Variants in GCSAML observed in about 807,000 individuals in gnomAD.
GCSAML encodes germinal center associated signaling and motility like.
A neutral mutation model predicts 13.0 loss-of-function variants in GCSAML; 9 were observed. The observed-to-expected ratio is 0.69, with a 90% CI of 0.42 to 1.21. GCSAML has a LOEUF of 1.21. Ranked by LOEUF, GCSAML falls within the 50% of genes most tolerant of loss-of-function variation. The pLI, the probability that GCSAML is intolerant of heterozygous loss-of-function variation, is 0.00. For missense variants in GCSAML, 143 were observed against 153.4 expected (o/e 0.93, Z 0.36); for synonymous variants, 37 against 52.9 (o/e 0.70, Z 1.31).
Position 247,526,802 on chromosome 1 carries a change from G to T in GCSAML, c.-262-138G>T, listed in dbSNP as rs992703740. On this transcript the variant is annotated intron_variant, in intron 1 of 5. Transcript: ENST00000366489. The surrounding 1 kb of genome is among the most constrained non-coding windows in gnomAD (Gnocchi z 4.8). ...CTAGAAAATTCTGACATATTCGGCT[G>T]AAAAGGGACCTGGCATCGAAAGACA... 5.3e-5 allele frequency: 19 copies of T among 361,180 alleles called. No homozygotes were observed. Among genetic ancestry groups the T allele is most frequent in the Non-Finnish European group, 1.0e-4 (19 of 185,262 alleles). The allele number at this position is 361,180 out of a possible 1,614,324, so 22.4% of individuals were successfully genotyped here.
Position 247,549,151 on chromosome 1 carries a change from A to G in GCSAML, c.-41A>G. ...CTTTGGTCAGAACTTCCCCAAGTGGAGTGAAACTCAGGAGCTGAGAAACCG... is the reference window on the plus strand; with the variant it reads ...CTTTGGTCAGAACTTCCCCAAGTGGGGTGAAACTCAGGAGCTGAGAAACCG... On this transcript the variant is annotated 5_prime_UTR_variant, in exon 1 of 5. Transcript: ENST00000366488. 6.2e-7 allele frequency: 1 copy of G among 1,614,072 alleles called. No homozygotes were observed. The highest frequency in any genetic ancestry group is 1.1e-5 in the South Asian group (1 of 91,078).
chr1:247,509,334 T>A (rs1665931557), intron 1 of GCSAML, among the ~76,000 whole-genome samples: 1 of 152,208 alleles, frequency 6.6e-6, no homozygotes, highest in African/African-American at 2.4e-5. Context: ...TAGAAATGCT[T>A]GTGAGTTTTG....
At chr1:247,556,665 C>G (rs779607535) in intron 2 of GCSAML, among the ~76,000 whole-genome samples, 199 bp downstream of exon 2, 1 of 152,014 alleles carries the variant, frequency 6.6e-6, no homozygotes, top group Non-Finnish European at 1.5e-5. Context: ...GTATTAGCCA[C>G]GTGTTTTGTT....
In GCSAML at chr1:247,574,341, T is replaced by C. The variant is rs774624656; in HGVS notation, c.367T>C (p.Cys123Arg). 13 of 1,613,992 alleles carry C rather than the reference T, an allele frequency of 8.1e-6. No individual in the cohort carries two copies. Among genetic ancestry groups the C allele is most frequent in the Non-Finnish European group, 1.1e-5 (13 of 1,180,004 alleles). Reference protein sequence around the residue: ...LRTSVSRPCSCTHEHDYEVVF... With the variant: ...LRTSVSRPCSRTHEHDYEVVF... ...GACTTCTGTTAGTAGGCCTTGTTCCTGCACCCATGAGCATGATTATGAAGT... is the reference window on the plus strand; with the variant it reads ...GACTTCTGTTAGTAGGCCTTGTTCCCGCACCCATGAGCATGATTATGAAGT... The change falls in exon 5 of 5, where the codon TGC becomes CGC. Residue 123 changes from cysteine (C) to arginine (R), a missense_variant. Coordinates refer to ENST00000366488, the MANE Select transcript of GCSAML (RefSeq NM_145278.5).
intron 1 of GCSAML, among the ~76,000 whole-genome samples, chr1:247,523,997 T>TACACACACAC (rs34257635): frequency 0.081 from 12,026 of 147,724 alleles, 826 homozygotes; most frequent in East Asian, 0.31. Flanking sequence ...ACATCTGTCT[T>TACACACACAC]ACACACACAC....
At chr1:247,532,494 A>G (rs1165450803) in intron 2 of GCSAML, 1 of 1,613,894 alleles carries the variant, frequency 6.2e-7, no homozygotes, top group South Asian at 1.1e-5. Context: ...GAGAACTCAC[A>G]TTGGCTATTT....
intron 2 of GCSAML, among the ~76,000 whole-genome samples, chr1:247,541,772 A>G (rs10436935): frequency 0.8 from 122,161 of 151,968 alleles, 49,861 homozygotes; most frequent in African/African-American, 0.93. Context: ...CACTTTGGGA[A>G]GCTGAGGTGG....
At chr1:247,541,927 T>C (rs1381237072) in intron 2 of GCSAML, among the ~76,000 whole-genome samples, 2 of 151,574 alleles carry the variant, frequency 1.3e-5, no homozygotes, top group African/African-American at 4.9e-5. Flanking sequence ...GGAGAATCGC[T>C]TGAACCCAGG....
chr1:247,549,220 G>A lies in GCSAML; in HGVS notation c.29G>A (p.Ser10Asn), dbSNP rs1373005614. The change falls in exon 1 of 5, where the codon AGT (serine) becomes AAT (asparagine). Residue 10 changes from serine to asparagine, a missense_variant and splice_region_variant. Ser to Asn is a conservative substitution (Grantham distance 46, BLOSUM62 1). Coordinates refer to ENST00000366488, the MANE Select transcript of GCSAML (RefSeq NM_145278.5). MGNYLLRKL[S>N]CLGENQKKPK... ...GGAAATTATCTCCTGCGAAAACTCA[G>A]GTGAGTCTTGACTCTTGGTGCCGCC... 1.9e-6 allele frequency: 3 copies of A among 1,613,754 alleles called. No individual in the cohort carries two copies. The Admixed American group carries it at 5.0e-5, about 27-fold the overall frequency.
chr1:247,513,513 G>A (rs1363493138), intron 1 of GCSAML, among the ~76,000 whole-genome samples: 9 of 152,312 alleles, frequency 5.9e-5, no homozygotes, highest in East Asian at 3.9e-4. Context: ...CCAGGGCAGC[G>A]GATAGTTCTG....
intron 1 of GCSAML, among the ~76,000 whole-genome samples, chr1:247,510,632 C>A (rs990564984): frequency 7.9e-5 from 12 of 152,158 alleles, no homozygotes; most frequent in African/African-American, 1.9e-4. Context: ...CTCCTGTGGG[C>A]ATTTAGTGCT....
chr1:247,544,869 A>AAAACAAAAACAAAACC (rs1667517085), upstream of GCSAML, among the ~76,000 whole-genome samples: 1 of 152,180 alleles, frequency 6.6e-6, no homozygotes, highest in Non-Finnish European at 1.5e-5. Flanking sequence ...AAAACAAAAC[A>AAAACAAAAACAAAACC]AAACAAAAAC....
intron 2 of GCSAML, 83 bp from the exon 3 acceptor site, chr1:247,563,507 G>T: frequency 1.3e-6 from 1 of 747,854 alleles, no homozygotes. Flanking sequence ...CTTAGGTTAA[G>T]GGCAACCAAA....
chr1:247,550,419 C>T (rs1472919576), intron 1 of GCSAML, among the ~76,000 whole-genome samples: 4 of 152,052 alleles, frequency 2.6e-5, no homozygotes, highest in African/African-American at 7.2e-5. Context: ...GGGTGGATCA[C>T]GAGGTCAGGA....
intron 2 of GCSAML, among the ~76,000 whole-genome samples, chr1:247,557,432 C>T (rs1227225676): frequency 6.6e-6 from 1 of 152,190 alleles, no homozygotes; most frequent in Non-Finnish European, 1.5e-5. Flanking sequence ...TGAACAGAAA[C>T]ACCCTGCCTT....
intron 4 of GCSAML, among the ~76,000 whole-genome samples, chr1:247,571,984 C>T (rs892830178): frequency 5.9e-5 from 9 of 152,020 alleles, no homozygotes; most frequent in African/African-American, 1.7e-4. Flanking sequence ...TTCTTCTGCC[C>T]GATCAATTTG....
At chr1:247,509,561 G>C (rs569461012) in intron 1 of GCSAML, among the ~76,000 whole-genome samples, 104 of 152,284 alleles carry the variant, frequency 6.8e-4, no homozygotes, top group African/African-American at 2.3e-3. Flanking sequence ...GGTGAGAGAG[G>C]GCATCCTTGT....
chr1:247,509,752 T>C (rs994684526), intron 1 of GCSAML, among the ~76,000 whole-genome samples: 15 of 152,154 alleles, frequency 9.9e-5, no homozygotes, highest in Non-Finnish European at 2.2e-4. Flanking sequence ...TACATCTATT[T>C]AGATAATCAT....
upstream of GCSAML, among the ~76,000 whole-genome samples, chr1:247,544,578 C>T (rs532913328): frequency 1.2e-4 from 18 of 152,258 alleles, no homozygotes; most frequent in Non-Finnish European, 2.1e-4. Context: ...GTGGCTCACA[C>T]GTATAATCCC....
Sources: gnomAD v4.1 joint callset for allele counts (sites outside exome capture counted in the v4.1 genomes callset) on GRCh38, gnomAD v4.1.1 for gene constraint, Gnocchi (gnomAD v3.1) non-coding constraint, MANE v1.5 for transcripts, NCBI Gene and HGNC (gene_info 2026-07-23, HGNC 2026-07-21) for gene names.